MTMR6: variants seen among roughly 807,000 people sequenced by gnomAD.
MTMR6 encodes the protein phosphatidylinositol-3,5-bisphosphate 3-phosphatase MTMR6.
A neutral mutation model predicts 80.1 loss-of-function variants in MTMR6; 47 were observed. That is an observed-to-expected ratio of 0.59 (90% CI 0.46 to 0.75). The LOEUF (loss-of-function observed/expected upper bound fraction) is 0.75, where lower values mean the gene tolerates loss of function less well. Ranked by LOEUF, MTMR6 falls within the 30% of genes least tolerant of loss-of-function variation. The pLI, the probability that MTMR6 is intolerant of heterozygous loss-of-function variation, is 0.00. For synonymous variants in MTMR6, 254 were observed against 253.0 expected (o/e 1.00, Z -0.04); for missense variants, 629 against 730.9 (o/e 0.86, Z 1.61).
chr13:25,283,005 A>G (rs910336722), intron 1 of MTMR6, among the ~76,000 whole-genome samples: 2 of 151,926 alleles, frequency 1.3e-5, no homozygotes, highest in Non-Finnish European at 2.9e-5. Context: ...TGATTTACCT[A>G]AACACAAACA....
At chr13:25,270,000 AG>A (rs1428563078) in intron 2 of MTMR6, among the ~76,000 whole-genome samples, 1 of 152,222 alleles carries the variant, frequency 6.6e-6, no homozygotes, top group Non-Finnish European at 1.5e-5. Flanking sequence ...GTTTGGGACT[AG>A]AAGTATTTCA....
chr13:25,249,608 A>G (rs1335145400), intron 13 of MTMR6, 116 bp from the exon 14 acceptor site: 1 of 1,046,676 alleles, frequency 9.6e-7, no homozygotes, highest in African/African-American at 1.6e-5. Flanking sequence ...TGCAAAACTA[A>G]ATCTCAAAAA....
rs1956985117 is a variant in MTMR6, at chr13:25,246,633, C to T, written c.*2599G>A. On this transcript the variant is annotated 3_prime_UTR_variant, in exon 14 of 14. Coordinates refer to ENST00000381801, the MANE Select transcript of MTMR6 (RefSeq NM_004685.5). ...ACTATATAGTTTTATAAATGATCAG[C>T]ATTTAATCCAACTTAGCATGTCAAC... The T allele has an allele frequency of 6.5e-6, 1 of 152,704 alleles. No homozygotes were observed. The highest frequency in any genetic ancestry group is 2.1e-4 in the South Asian group (1 of 4,824). 9.5% of individuals were successfully genotyped at this position (152,704 alleles called of 1,614,324 possible).
intron 7 of MTMR6, 93 bp from the exon 8 acceptor site, chr13:25,257,938 G>A (rs576323343): frequency 3.7e-5 from 30 of 805,560 alleles, no homozygotes; most frequent in Admixed American, 3.5e-4. Flanking sequence ...AATGAAGAAA[G>A]AAGACAAAAT....
chr13:25,257,379 C>T, intron 8 of MTMR6, 58 bp from the exon 9 acceptor site: 1 of 1,581,354 alleles, frequency 6.3e-7, no homozygotes. Context: ...ATAAATTCTA[C>T]TTGAAAATCA....
chr13:25,266,290 C>T lies in MTMR6; in HGVS notation c.305-4G>A, dbSNP rs750417253. ...GCATAGAGATCTTCATATTTTGCTA[C>T]AGAATACAAAATTTTAAATGTTAAG... is the stretch of plus-strand genomic sequence containing the variant. On this transcript the variant is annotated splice_region_variant and splice_polypyrimidine_tract_variant and intron_variant, in intron 3 of 13. Coordinates refer to ENST00000381801, the MANE Select transcript of MTMR6 (RefSeq NM_004685.5). 15 of 1,603,804 alleles carry T rather than the reference C, an allele frequency of 9.4e-6. No individual in the cohort carries two copies. The highest frequency in any genetic ancestry group is 6.7e-5 in the East Asian group (3 of 44,832).
intron 2 of MTMR6, among the ~76,000 whole-genome samples, 164 bp downstream of exon 2, chr13:25,273,907 T>A (rs1957641965): frequency 6.6e-6 from 1 of 152,172 alleles, no homozygotes; most frequent in Admixed American, 6.5e-5. Context: ...ATTCTATAAC[T>A]GATTTATTAG....
chr13:25,267,718 A>C, intron 3 of MTMR6, 61 bp downstream of exon 3: 1 of 1,474,570 alleles, frequency 6.8e-7, no homozygotes, highest in Non-Finnish European at 9.2e-7. Context: ...ACATTAAATA[A>C]AGTATCTTAG....
intron 1 of MTMR6, among the ~76,000 whole-genome samples, chr13:25,276,219 T>C (rs954471013): frequency 2.0e-5 from 3 of 152,156 alleles, no homozygotes; most frequent in African/African-American, 4.8e-5. Flanking sequence ...CCATATCATT[T>C]CCTAAGCTAT....
chr13:25,286,961 G>C (rs1957965266), intron 1 of MTMR6, among the ~76,000 whole-genome samples: 1 of 152,138 alleles, frequency 6.6e-6, no homozygotes, highest in South Asian at 2.1e-4. Context: ...GCGGTGACCA[G>C]TTTTCCCAGA....
chr13:25,261,847 A>C (rs760197318), intron 5 of MTMR6, 45 bp from the exon 6 acceptor site: 1 of 1,539,700 alleles, frequency 6.5e-7, no homozygotes, highest in South Asian at 1.2e-5. Flanking sequence ...AGATCTCTAA[A>C]ATGTCTTTAA....
At chr13:25,262,426 G>C (rs540166912) in intron 5 of MTMR6, among the ~76,000 whole-genome samples, 1 of 152,278 alleles carries the variant, frequency 6.6e-6, no homozygotes, top group East Asian at 1.9e-4. Flanking sequence ...GGAATGCAGT[G>C]GCGTGATCAC....
Position 25,249,382 on chromosome 13 carries a change from C to T in MTMR6, c.1716G>A (p.Glu572=), listed in dbSNP as rs377730592. ...PNLKTSLCFK[E]QTLLPVNDAL... ...CATCATTTACGGGTAGCAGAGTCTGCTCTTTAAAACACAGGGAAGTTTTGA... is the reference window on the plus strand; with the variant it reads ...CATCATTTACGGGTAGCAGAGTCTGTTCTTTAAAACACAGGGAAGTTTTGA... Residue 572 remains glutamate (E), a synonymous_variant, in exon 14 of 14, where the codon GAG becomes GAA. Transcript: ENST00000381801. The T allele has an allele frequency of 1.4e-5, 22 of 1,614,128 alleles. No individual in the cohort carries two copies. The East Asian group carries it at 4.5e-4, about 33-fold the overall frequency.
chr13:25,267,072 A>G (rs1334098772), intron 3 of MTMR6, among the ~76,000 whole-genome samples: 1 of 151,946 alleles, frequency 6.6e-6, no homozygotes, highest in East Asian at 1.9e-4. Flanking sequence ...AGATGGTGAA[A>G]CCCCGTCTCT....
intron 1 of MTMR6, among the ~76,000 whole-genome samples, chr13:25,274,541 T>C (rs1309032258): frequency 1.3e-5 from 2 of 152,140 alleles, no homozygotes; most frequent in African/African-American, 4.8e-5. Context: ...AAAATAAATA[T>C]ATTATTATCT....
At chr13:25,281,436 G>T (rs1221604103) in intron 1 of MTMR6, among the ~76,000 whole-genome samples, 1 of 150,276 alleles carries the variant, frequency 6.7e-6, no homozygotes, top group East Asian at 2.0e-4. Context: ...GAAGAGAAAA[G>T]AAAAAAAAGA....
rs151061493 is a variant in MTMR6 at position 25,279,193 on chromosome 13, G to A, written c.25-5006C>T. Among the ~76,000 whole-genome samples, 1,068 of 152,268 alleles carry A rather than the reference G, an allele frequency of 7.0e-3. 19 individuals carry two copies. The highest frequency in any genetic ancestry group is 0.023 in the African/African-American group (974 of 41,540). On this transcript the variant is annotated intron_variant, in intron 1 of 13. Coordinates refer to ENST00000381801, the MANE Select transcript of MTMR6 (RefSeq NM_004685.5). ...ATCTTGGATTGTAATCCCCATGTGT[G>A]CAGGAAGTGACCTGGTGGGAGGTGA...
In MTMR6 at chr13:25,281,460, A is replaced by C. The variant is rs1001355842; in HGVS notation, c.24+5764T>G. 1.3e-4 allele frequency among the ~76,000 whole-genome samples: 20 copies of C among 152,328 alleles called. 2 individuals are homozygous for C. The South Asian group carries it at 2.5e-3, about 19-fold the overall frequency. ...AGAAAAAAAAGAAGAAAAGATTCCA[A>C]ATGAAAAACACAGGGAGTCACACAA... is the stretch of plus-strand genomic sequence containing the variant. On this transcript the variant is annotated intron_variant, in intron 1 of 13. Coordinates refer to ENST00000381801, the MANE Select transcript of MTMR6 (RefSeq NM_004685.5).
At chr13:25,256,083 C>T (rs1957202119) in intron 9 of MTMR6, among the ~76,000 whole-genome samples, 1 of 152,138 alleles carries the variant, frequency 6.6e-6, no homozygotes, top group South Asian at 2.1e-4. Flanking sequence ...GGGAAAGCCC[C>T]ATTCCAGCCT....
Sources: allele counts gnomAD v4.1 joint callset (sites outside exome capture counted in the v4.1 genomes callset), GRCh38; gene constraint gnomAD v4.1.1; transcripts MANE v1.5; gene names NCBI Gene and HGNC (gene_info 2026-07-23, HGNC 2026-07-21).